SEMA3A: variants seen among roughly 807,000 people sequenced by gnomAD.
SEMA3A encodes the protein semaphorin 3A, also known as semaphorin-3A.
SEMA3A carries 29 observed loss-of-function variants against 97.9 expected under a neutral mutation model. The ratio of observed to expected loss-of-function variants is 0.30; its 90% CI spans 0.22 to 0.40. The LOEUF (loss-of-function observed/expected upper bound fraction) is 0.40. Among genes scored for constraint, SEMA3A ranks in the 10% least tolerant of loss-of-function variants. The probability of loss-of-function intolerance (pLI) is 1.00; values close to 1 mark genes in which losing one functional copy is unlikely to be tolerated. For synonymous variants in SEMA3A, 321 were observed against 323.7 expected, an observed-to-expected ratio of 0.99 and a Z score of 0.09; for missense variants, 763 against 951.3, an observed-to-expected ratio of 0.80 and a Z score of 2.60.
At chr7:84,376,330 C>T (rs1267382730) in intron 1 of SEMA3A, among the ~76,000 whole-genome samples, 3 of 115,274 alleles carry the variant, frequency 2.6e-5, no homozygotes, top group African/African-American at 3.2e-5. Context: ...TGGCCGGGCG[C>T]GGTGGCTCAC....
intron 4 of SEMA3A, among the ~76,000 whole-genome samples, chr7:84,099,227 C>T (rs1212133439): frequency 8.9e-6 from 1 of 112,734 alleles, no homozygotes. Flanking sequence ...CCCGCTACCA[C>T]GCCCGGCTAA....
chr7:83,999,543 T>C (rs372173147), intron 12 of SEMA3A, among the ~76,000 whole-genome samples: 5 of 152,108 alleles, frequency 3.3e-5, no homozygotes, highest in South Asian at 4.1e-4. Flanking sequence ...CTGAGATGGA[T>C]AACACATCAG....
chr7:84,362,748 T>A (rs925438565), intron 2 of SEMA3A, among the ~76,000 whole-genome samples: 1 of 152,048 alleles, frequency 6.6e-6, no homozygotes, highest in East Asian at 1.9e-4. Flanking sequence ...CATTTTCTAA[T>A]GTTAAGGATG....
intron 1 of SEMA3A, among the ~76,000 whole-genome samples, chr7:84,161,086 C>T (rs1042685135): frequency 8.6e-5 from 13 of 150,988 alleles, no homozygotes; most frequent in Non-Finnish European, 1.6e-4. Flanking sequence ...AAAATTTAGG[C>T]CGGGCGTGGT....
chr7:84,143,395 T>C (rs1321952442), intron 1 of SEMA3A, among the ~76,000 whole-genome samples: 1 of 152,184 alleles, frequency 6.6e-6, no homozygotes, highest in East Asian at 1.9e-4. Flanking sequence ...AACATTTTGA[T>C]ATAAAATGCT....
intron 1 of SEMA3A, among the ~76,000 whole-genome samples, chr7:84,449,797 T>G (rs991308258): frequency 5.3e-5 from 8 of 152,208 alleles, no homozygotes; most frequent in African/African-American, 1.9e-4. Flanking sequence ...TGAGTTTGAC[T>G]ATTTTAGACA....
At chr7:84,304,090 G>T (rs1437154031) in intron 3 of SEMA3A, among the ~76,000 whole-genome samples, 1 of 152,058 alleles carries the variant, frequency 6.6e-6, no homozygotes, top group Non-Finnish European at 1.5e-5. Flanking sequence ...TTAAACTGGT[G>T]TGTGGAGGCA....
At chr7:83,982,172 T>A (rs893661036) in intron 13 of SEMA3A, among the ~76,000 whole-genome samples, 2 of 131,496 alleles carry the variant, frequency 1.5e-5, no homozygotes, top group Non-Finnish European at 3.5e-5. Context: ...ATACCTGGAT[T>A]CTAGGTCTCG....
chr7:84,483,292 T>A (rs2116438026), intron 1 of SEMA3A, among the ~76,000 whole-genome samples: 1 of 152,270 alleles, frequency 6.6e-6, no homozygotes, highest in African/African-American at 2.4e-5. Flanking sequence ...TCAACCACAT[T>A]ACTGGGAAAA....
chr7:84,446,016 G>C (rs1026967693), intron 1 of SEMA3A, among the ~76,000 whole-genome samples: 1 of 152,026 alleles, frequency 6.6e-6, no homozygotes, highest in African/African-American at 2.4e-5. Context: ...AAAGGAGTGT[G>C]GGAATATTAT....
chr7:84,476,646 TA>T (rs1806290184), intron 1 of SEMA3A, among the ~76,000 whole-genome samples: 1 of 152,116 alleles, frequency 6.6e-6, no homozygotes, highest in African/African-American at 2.4e-5. Flanking sequence ...AATAAGATAT[TA>T]AAATCTTGTA....
chr7:84,029,402 G>T (rs1584567125), intron 6 of SEMA3A, among the ~76,000 whole-genome samples: 1 of 152,086 alleles, frequency 6.6e-6, no homozygotes, highest in Admixed American at 6.5e-5. Flanking sequence ...TACAAATAAT[G>T]ATTTAGAGAT....
intron 12 of SEMA3A, among the ~76,000 whole-genome samples, chr7:83,989,770 A>G (rs1388429568): frequency 1.0e-4 from 15 of 148,856 alleles, no homozygotes; most frequent in East Asian, 5.9e-4. Context: ...TACTGCCGCA[A>G]TAAACATACG....
At chr7:84,221,537 G>A (rs749419596) in intron 3 of SEMA3A, among the ~76,000 whole-genome samples, 2 of 151,998 alleles carry the variant, frequency 1.3e-5, no homozygotes, top group Non-Finnish European at 2.9e-5. Flanking sequence ...TGAAAGAAGT[G>A]CAACTATTCC....
chr7:83,973,999 C>T (rs796917427), intron 15 of SEMA3A, among the ~76,000 whole-genome samples: 5 of 150,620 alleles, frequency 3.3e-5, no homozygotes, highest in African/African-American at 9.8e-5. Context: ...AAATTGCCTT[C>T]GTCAGTCATT....
rs1483480340 is a variant in SEMA3A at position 84,007,458 on chromosome 7, C to A, written c.1035G>T (p.Met345Ile). 4 of 1,603,442 alleles carry A rather than the reference C, an allele frequency of 2.5e-6. No homozygotes were observed. The highest frequency in any genetic ancestry group is 1.1e-5 in the South Asian group (1 of 89,472). Residue 345 changes from methionine to isoleucine, a missense_variant, in exon 10 of 17, where the codon ATG becomes ATT. Coordinates refer to ENST00000265362, the MANE Select transcript of SEMA3A (RefSeq NM_006080.3). Reference protein sequence around the residue: ...FKGSAVCMYSMSDVRRVFLGP... With the variant: ...FKGSAVCMYSISDVRRVFLGP... Reference sequence around the variant, plus strand: ...CAAGGAACACCCTTCTCACATCACTCATGCTATACATACACACGGCTGATC... The same window carrying A: ...CAAGGAACACCCTTCTCACATCACTAATGCTATACATACACACGGCTGATC...
intron 1 of SEMA3A, among the ~76,000 whole-genome samples, chr7:84,406,252 C>T (rs1804083672): frequency 6.6e-6 from 1 of 152,282 alleles, no homozygotes; most frequent in Non-Finnish European, 1.5e-5. Context: ...AAACTACCAT[C>T]AGAGAATACT....
chr7:84,393,186 GT>G (rs1803631163), intron 1 of SEMA3A, among the ~76,000 whole-genome samples: 1 of 152,174 alleles, frequency 6.6e-6, no homozygotes, highest in Non-Finnish European at 1.5e-5. Context: ...CATGTTTTAT[GT>G]TTAAGTATTT....
chr7:84,009,065 C>T (rs892282824), intron 9 of SEMA3A, among the ~76,000 whole-genome samples: 1 of 152,172 alleles, frequency 6.6e-6, no homozygotes, highest in Non-Finnish European at 1.5e-5. Context: ...ATCTCTAGCT[C>T]TCAAAAGGTG....
Sources: gnomAD v4.1 joint callset for allele counts (sites outside exome capture counted in the v4.1 genomes callset) on GRCh38, gnomAD v4.1.1 for gene constraint, MANE v1.5 for transcripts, NCBI Gene and HGNC (gene_info 2026-07-23, HGNC 2026-07-21) for gene names.